SEMA5A: variants seen among roughly 807,000 people sequenced by gnomAD.
SEMA5A encodes semaphorin 5A, also known as semaphorin-5A.
A neutral mutation model predicts 135.5 loss-of-function variants in SEMA5A; 55 were observed. The observed-to-expected ratio is 0.41, with a 90% CI of 0.33 to 0.51. SEMA5A has a LOEUF of 0.51. SEMA5A is among the 20% of genes least tolerant of loss of function. SEMA5A has a pLI of 0.37. For missense variants in SEMA5A, 1,290 were observed against 1,419.9 expected, an observed-to-expected ratio of 0.91 and a Z score of 1.47; for synonymous variants, 580 against 546.5, an observed-to-expected ratio of 1.06 and a Z score of -0.85.
intron 11 of SEMA5A, among the ~76,000 whole-genome samples, chr5:9,172,289 T>A (rs1579537538): frequency 6.6e-6 from 1 of 152,204 alleles, no homozygotes; most frequent in Non-Finnish European, 1.5e-5. Flanking sequence ...GAAGGAAGAT[T>A]ATAGTTTAAC....
In SEMA5A at chr5:9,204,222, C is replaced by G. The variant is rs933893864; in HGVS notation, c.647-1982G>C. On this transcript the variant is annotated intron_variant, in intron 8 of 22. Coordinates refer to ENST00000382496, the MANE Select transcript of SEMA5A (RefSeq NM_003966.3). This position sits in a 1 kb window ranked among gnomAD's most constrained non-coding sequence, Gnocchi z 6.4. ...CAACAACAACAAAAACAGCAACAAG[C>G]AACCCTTCCTAAAATGTGGAAAACA... Among the ~76,000 whole-genome samples, 1 of 152,150 alleles carries G rather than the reference C, an allele frequency of 6.6e-6. No individual in the cohort carries two copies. Among genetic ancestry groups the G allele is most frequent in the African/African-American group, 2.4e-5 (1 of 41,430 alleles).
intron 5 of SEMA5A, among the ~76,000 whole-genome samples, chr5:9,315,953 A>G (rs1752370937): frequency 6.6e-6 from 1 of 152,176 alleles, no homozygotes; most frequent in South Asian, 2.1e-4. Flanking sequence ...ATAAATTAGC[A>G]TCTATTGATC....
chr5:9,409,735 A>G lies in SEMA5A; in HGVS notation c.-78+28021T>C, dbSNP rs933562192. Among the ~76,000 whole-genome samples the G allele has an allele frequency of 2.6e-5, 4 of 152,234 alleles. No homozygotes were observed. The East Asian group carries it at 7.7e-4, about 29-fold the overall frequency. The stretch of plus-strand genomic sequence containing the variant: ...AATGATTAAATGAACCTGGCCACAG[A>G]GCGAGAGCTCGTCAGACACGAGGCA... On this transcript the variant is annotated intron_variant, in intron 2 of 22. Coordinates refer to ENST00000382496, the MANE Select transcript of SEMA5A (RefSeq NM_003966.3).
At chr5:9,277,497 T>C (rs1260991554) in intron 5 of SEMA5A, among the ~76,000 whole-genome samples, 1 of 152,182 alleles carries the variant, frequency 6.6e-6, no homozygotes, top group Non-Finnish European at 1.5e-5. Flanking sequence ...ATCATTCTAC[T>C]ATAAAGACAC....
intron 2 of SEMA5A, among the ~76,000 whole-genome samples, chr5:9,397,274 T>C (rs1410128212): frequency 6.6e-6 from 1 of 152,154 alleles, no homozygotes; most frequent in Non-Finnish European, 1.5e-5. Flanking sequence ...ACAAAAACAC[T>C]TTCATATTGA....
intron 9 of SEMA5A, among the ~76,000 whole-genome samples, chr5:9,198,297 C>T (rs989296258): frequency 6.6e-6 from 1 of 152,096 alleles, no homozygotes; most frequent in Non-Finnish European, 1.5e-5. Flanking sequence ...TTACTAATTC[C>T]CATTCATTTA....
intron 15 of SEMA5A, 149 bp from the exon 16 acceptor site, chr5:9,108,436 C>G (rs1227172796): frequency 1.2e-6 from 1 of 819,386 alleles, no homozygotes; most frequent in East Asian, 2.7e-5. Context: ...TTGCACCATA[C>G]AGAAGGCAGA....
At chr5:9,059,703 C>T (rs1025757922) in intron 18 of SEMA5A, among the ~76,000 whole-genome samples, 1 of 152,102 alleles carries the variant, frequency 6.6e-6, no homozygotes, top group Admixed American at 6.5e-5. Flanking sequence ...GTACATGCCA[C>T]CATGCCAGGC....
intron 15 of SEMA5A, among the ~76,000 whole-genome samples, chr5:9,117,903 C>A (rs1174713153): frequency 6.6e-6 from 1 of 152,168 alleles, no homozygotes; most frequent in African/African-American, 2.4e-5. Flanking sequence ...AAATGACACA[C>A]CCTGCTTGGT....
chr5:9,140,064 G>C (rs2150227935), intron 12 of SEMA5A, among the ~76,000 whole-genome samples: 1 of 152,288 alleles, frequency 6.6e-6, no homozygotes, highest in African/African-American at 2.4e-5. Context: ...TAATAGATGT[G>C]AGTATGGTTT....
rs1448447484 is a variant in SEMA5A, at chr5:9,041,187, A to G, written c.*1710T>C. The G allele has an allele frequency of 6.6e-6, 1 of 152,224 alleles. No homozygotes were observed. Among genetic ancestry groups the G allele is most frequent in the African/African-American group, 2.4e-5 (1 of 41,456 alleles). The allele number at this position is 152,224 out of a possible 1,614,324, so 9.4% of individuals were successfully genotyped here. A position where few individuals can be genotyped will look rare whatever the true frequency, so the allele number is the denominator to read the frequency against. ...ATGAGAATATTTTGAACTCAACAAT[A>G]TTCATTATTAAACATAGAATTCTTC... On this transcript the variant is annotated 3_prime_UTR_variant, in exon 23 of 23. Transcript: ENST00000382496.
chr5:9,408,100 C>A (rs1025321763), intron 2 of SEMA5A, among the ~76,000 whole-genome samples: 1 of 151,852 alleles, frequency 6.6e-6, no homozygotes, highest in African/African-American at 2.4e-5. Context: ...CAATCATCAC[C>A]AACACTACCA....
At chr5:9,194,409 C>T (rs1806121) in intron 10 of SEMA5A, among the ~76,000 whole-genome samples, 2,659 of 152,278 alleles carry the variant, frequency 0.017, 74 homozygotes, top group African/African-American at 0.059. Context: ...GTAAGTACTG[C>T]ACAAAATCCT....
At chr5:9,113,742 A>G (rs1740367085) in intron 15 of SEMA5A, among the ~76,000 whole-genome samples, 1 of 152,234 alleles carries the variant, frequency 6.6e-6, no homozygotes, top group Admixed American at 6.5e-5. Context: ...AATCAAAACC[A>G]CAATGAGATA....
At chr5:9,505,567 C>G (rs1376701526) in intron 1 of SEMA5A, among the ~76,000 whole-genome samples, 1 of 152,172 alleles carries the variant, frequency 6.6e-6, no homozygotes, top group East Asian at 1.9e-4. Flanking sequence ...TTTGACTCCC[C>G]TGAAGCGCTT....
chr5:9,449,089 A>G (rs1758539675), intron 1 of SEMA5A, among the ~76,000 whole-genome samples: 1 of 152,222 alleles, frequency 6.6e-6, no homozygotes, highest in South Asian at 2.1e-4. Context: ...AGGAATATAA[A>G]TCATTCTGTT....
intron 5 of SEMA5A, among the ~76,000 whole-genome samples, chr5:9,276,926 C>A (rs1453350744): frequency 2.6e-5 from 4 of 152,082 alleles, no homozygotes; most frequent in Admixed American, 1.3e-4. Context: ...ACTAAAACAC[C>A]AAAAGCAATG....
intron 11 of SEMA5A, among the ~76,000 whole-genome samples, chr5:9,168,669 C>T (rs1434372170): frequency 1.3e-5 from 2 of 152,230 alleles, no homozygotes; most frequent in Non-Finnish European, 2.9e-5. Context: ...TGGATGTACA[C>T]TGCTTCCAAT....
At chr5:9,282,252 T>C (rs1254463352) in intron 5 of SEMA5A, among the ~76,000 whole-genome samples, 1 of 151,970 alleles carries the variant, frequency 6.6e-6, no homozygotes. Context: ...AAAAATAAAA[T>C]TACAAAAACA....
Sources: gnomAD v4.1 joint callset for allele counts (sites outside exome capture counted in the v4.1 genomes callset) on GRCh38, gnomAD v4.1.1 for gene constraint, Gnocchi (gnomAD v3.1) non-coding constraint, MANE v1.5 for transcripts, NCBI Gene and HGNC (gene_info 2026-07-23, HGNC 2026-07-21) for gene names.